Variants in NOMO1 observed in about 807,000 individuals in gnomAD.
NOMO1 encodes the protein NODAL modulator 1.
Under a neutral mutation model 133.8 loss-of-function variants are expected in NOMO1, and 40 were observed. The observed-to-expected ratio is 0.30, with a 90% confidence interval of 0.23 to 0.39. The LOEUF is 0.39. NOMO1 is among the 10% of genes least tolerant of loss of function. The probability of loss-of-function intolerance (pLI) is 1.00; values close to 1 mark genes in which losing one functional copy is unlikely to be tolerated. For synonymous variants in NOMO1, 236 were observed against 570.5 expected, an observed-to-expected ratio of 0.41 and a Z score of 8.36; for missense variants, 462 against 1,419.9, an observed-to-expected ratio of 0.33 and a Z score of 10.84.
At position 14,851,155 on chromosome 16, in the gene NOMO1, T is replaced by A. The variant is rs1200492415; in HGVS notation, c.583-1275T>A. On this transcript the variant is annotated intron_variant, in intron 6 of 30. Transcript: ENST00000287667. ...TTATAAATAGAAGAGATTTTAAGGT[T>A]TACATTGTATGTTAATTGTCTGCAT... Among the ~76,000 whole-genome samples, 4 of 151,204 alleles carry A rather than the reference T, an allele frequency of 2.6e-5. No homozygotes were observed. The East Asian group carries it at 7.8e-4, about 29-fold the overall frequency.
chr16:14,857,355 C>T, intron 10 of NOMO1, 33 bp downstream of exon 10: 1 of 1,498,574 alleles, frequency 6.7e-7, no homozygotes, highest in Non-Finnish European at 9.1e-7. Flanking sequence ...GGCTGATGGC[C>T]AGCGCTCTTT....
At chr16:14,834,705 T>A (rs894195945) in intron 1 of NOMO1, among the ~76,000 whole-genome samples, 18 of 145,498 alleles carry the variant, frequency 1.2e-4, no homozygotes, top group East Asian at 1.1e-3. Flanking sequence ...TTTTTTTTTT[T>A]AAATTAAGTT....
chr16:14,855,580 G>C, intron 9 of NOMO1, among the ~76,000 whole-genome samples: 1 of 151,992 alleles, frequency 6.6e-6, no homozygotes, highest in Non-Finnish European at 1.5e-5. Context: ...ATTCAGTGGA[G>C]TGTTTGACCG....
At position 14,889,640 on chromosome 16, in the gene NOMO1, T is replaced by G. The variant is rs540863957; in HGVS notation, c.3444+425T>G. 3.3e-5 allele frequency among the ~76,000 whole-genome samples: 5 copies of G among 152,000 alleles called. No individual in the cohort carries two copies. In the South Asian group the frequency reaches 1.0e-3, roughly 32 times the overall value. ...GATCGCAGGTTGCAGGGCAGATATT[T>G]AAAGGGCTCCTGGCATTGGGTCACT... On this transcript the variant is annotated intron_variant, in intron 29 of 30. Transcript: ENST00000287667.
chr16:14,877,756 A>G (rs1425855151), intron 22 of NOMO1, among the ~76,000 whole-genome samples: 5 of 146,810 alleles, frequency 3.4e-5, no homozygotes, highest in African/African-American at 1.3e-4. Flanking sequence ...GACAATCTCT[A>G]TTTTTTGGTA....
chr16:14,867,169 TATATA>T (rs1567543320), intron 15 of NOMO1, among the ~76,000 whole-genome samples: 12 of 21,130 alleles, frequency 5.7e-4, no homozygotes, highest in South Asian at 2.2e-3. Flanking sequence ...TATATATATA[TATATA>T]TATTTTTTTT....
chr16:14,885,480 A>G lies in NOMO1; in HGVS notation c.3222+998A>G, dbSNP rs1334334381. ...AAAATACCCTGCAGACCCTCTACGG[A>G]TGTTAGTGATTTGCTCTGGGGGTAC... On this transcript the variant is annotated intron_variant, in intron 27 of 30. Coordinates refer to ENST00000287667, the MANE Select transcript of NOMO1 (RefSeq NM_014287.4). 2.0e-5 allele frequency among the ~76,000 whole-genome samples: 3 copies of G among 152,108 alleles called. No homozygotes were observed. The East Asian group carries it at 5.8e-4, about 29-fold the overall frequency.
intron 4 of NOMO1, among the ~76,000 whole-genome samples, chr16:14,845,634 G>A (rs1187389532): frequency 2.0e-5 from 3 of 151,824 alleles, no homozygotes; most frequent in African/African-American, 4.8e-5. Flanking sequence ...CTGTGCCTGC[G>A]GTTGAGATGT....
At chr16:14,892,932 GT>G (rs1030662589) in intron 29 of NOMO1, among the ~76,000 whole-genome samples, 1 of 117,982 alleles carries the variant, frequency 8.5e-6, no homozygotes, top group African/African-American at 2.7e-5. Flanking sequence ...AAGCACATTG[GT>G]TTCCTTCTTT....
At chr16:14,885,281 G>T (rs2151010719) in intron 27 of NOMO1, among the ~76,000 whole-genome samples, 1 of 151,876 alleles carries the variant, frequency 6.6e-6, no homozygotes, top group East Asian at 1.9e-4. Flanking sequence ...CAGGTGGTCT[G>T]GGCTTTCTCT....
At chr16:14,855,647 C>T (rs1963823207) in intron 9 of NOMO1, among the ~76,000 whole-genome samples, 1 of 151,976 alleles carries the variant, frequency 6.6e-6, no homozygotes, top group South Asian at 2.1e-4. Flanking sequence ...CTTTACTTTG[C>T]TTCTCATAGC....
chr16:14,866,772 T>C, intron 15 of NOMO1, 81 bp downstream of exon 15: 27 of 1,608,776 alleles, frequency 1.7e-5, no homozygotes, highest in Non-Finnish European at 2.2e-5. Flanking sequence ...CCCAGGAATA[T>C]TGTAAACGTA....
At chr16:14,889,628 A>G (rs1265950828) in intron 29 of NOMO1, among the ~76,000 whole-genome samples, 1 of 151,938 alleles carries the variant, frequency 6.6e-6, no homozygotes, top group Non-Finnish European at 1.5e-5. Context: ...CGCAGGTTGC[A>G]GGGCAGATAT....
At chr16:14,868,492 T>G in intron 15 of NOMO1, 56 bp from the exon 16 acceptor site, 1 of 1,430,902 alleles carries the variant, frequency 7.0e-7, no homozygotes. Flanking sequence ...ATATTATTAA[T>G]CATCTTGGTG....
chr16:14,892,796 CACTT>C (rs1567550812), intron 29 of NOMO1, among the ~76,000 whole-genome samples: 3 of 149,894 alleles, frequency 2.0e-5, no homozygotes, highest in African/African-American at 7.3e-5. Flanking sequence ...AAGATTGAGT[CACTT>C]ACTGAGTGTT....
In NOMO1 at chr16:14,881,689, A is replaced by C. The variant is rs1658399379; in HGVS notation, c.3027+4A>C. The C allele has an allele frequency of 2.5e-6, 4 of 1,611,366 alleles. No individual in the cohort carries two copies. The Middle Eastern group carries it at 6.8e-4, about 273-fold the overall frequency. On this transcript the variant is annotated splice_donor_region_variant and intron_variant, in intron 25 of 30. Coordinates refer to ENST00000287667, the MANE Select transcript of NOMO1 (RefSeq NM_014287.4). ...GTTCAGATTACGTGGATTGCTGGTG[A>C]GACTTGGAATGGGTTTTCTTTGGGG...
chr16:14,835,365 G>A (rs2606876), intron 1 of NOMO1, among the ~76,000 whole-genome samples: 2 of 150,954 alleles, frequency 1.3e-5, no homozygotes, highest in African/African-American at 4.9e-5. Context: ...CCATGCCACC[G>A]CCTAGGTCTG....
At chr16:14,860,306 TG>T (rs1963904258) in intron 11 of NOMO1, among the ~76,000 whole-genome samples, 1 of 149,816 alleles carries the variant, frequency 6.7e-6, no homozygotes, top group African/African-American at 2.5e-5. Flanking sequence ...AGGCAGGGGT[TG>T]CAGTGAGCTG....
intron 11 of NOMO1, 118 bp downstream of exon 11, chr16:14,857,773 C>G: frequency 1.7e-6 from 1 of 591,122 alleles, no homozygotes; most frequent in Non-Finnish European, 2.7e-6. Context: ...AAGATTAGTA[C>G]TTTTTTTTTT....
Sources: allele counts gnomAD v4.1 joint callset (sites outside exome capture counted in the v4.1 genomes callset), GRCh38; gene constraint gnomAD v4.1.1; transcripts MANE v1.5; gene names NCBI Gene and HGNC (gene_info 2026-07-23, HGNC 2026-07-21).